VWC2: variants seen among roughly 807,000 people sequenced by gnomAD.
The protein encoded by VWC2 is von Willebrand factor C domain containing 2.
VWC2 carries 14 observed loss-of-function variants against 29.8 expected under a neutral mutation model. The ratio of observed to expected loss-of-function variants is 0.47; its 90% CI spans 0.31 to 0.74. The LOEUF (loss-of-function observed/expected upper bound fraction) is 0.74, where lower values mean the gene tolerates loss of function less well. Among genes scored for constraint, VWC2 ranks in the 30% least tolerant of loss-of-function variants. The pLI is 0.05. For synonymous variants in VWC2, 213 were observed against 199.0 expected (o/e 1.07, Z -0.59); for missense variants, 457 against 459.8 (o/e 0.99, Z 0.05).
intron 3 of VWC2, among the ~76,000 whole-genome samples, chr7:49,803,676 G>A (rs751882991): frequency 1.3e-5 from 2 of 152,256 alleles, no homozygotes; most frequent in Non-Finnish European, 2.9e-5. Context: ...GCTGTCGGCC[G>A]TTCATGTGGG....
At chr7:49,882,917 C>T (rs929421605) in intron 3 of VWC2, among the ~76,000 whole-genome samples, 11 of 151,898 alleles carry the variant, frequency 7.2e-5, no homozygotes, top group African/African-American at 2.7e-4. Context: ...ATCTTAAACT[C>T]TTCTGGAGAA....
intron 3 of VWC2, among the ~76,000 whole-genome samples, chr7:49,897,146 C>T (rs1266189787): frequency 6.6e-6 from 1 of 151,998 alleles, no homozygotes; most frequent in Non-Finnish European, 1.5e-5. Flanking sequence ...CCACCCGCCT[C>T]GGCCTCCCAA....
rs1369448680 is a variant in VWC2 at position 49,919,549 on chromosome 7, G to A, written c.*7364G>A. ...TCTGCAGTATACCCTGGTTTATTGT[G>A]AGGATTAAATAAAAAATCCTCACAA... On this transcript the variant is annotated 3_prime_UTR_variant, in exon 4 of 4. Transcript: ENST00000340652. The A allele has an allele frequency of 2.6e-5, 4 of 151,998 alleles. No homozygotes were observed. Among genetic ancestry groups the A allele is most frequent in the African/African-American group, 9.7e-5 (4 of 41,372 alleles). The allele number at this position is 151,998 out of a possible 1,614,324, so 9.4% of individuals were successfully genotyped here. A position where few individuals can be genotyped will look rare whatever the true frequency, so the allele number is the denominator to read the frequency against.
chr7:49,870,604 C>T (rs1371108336), intron 3 of VWC2, among the ~76,000 whole-genome samples: 1 of 152,150 alleles, frequency 6.6e-6, no homozygotes, highest in East Asian at 1.9e-4. Context: ...AGGATTTTCA[C>T]ACCTGCACAG....
At chr7:49,806,621 C>T (rs485900) in intron 3 of VWC2, among the ~76,000 whole-genome samples, 3,379 of 152,172 alleles carry the variant, frequency 0.022, 119 homozygotes, top group African/African-American at 0.077. Flanking sequence ...GAAGCACTGA[C>T]TGAGAATTAG....
intron 3 of VWC2, among the ~76,000 whole-genome samples, chr7:49,834,420 C>T (rs1400142129): frequency 2.0e-5 from 3 of 152,166 alleles, no homozygotes; most frequent in African/African-American, 7.2e-5. Context: ...AGATACAAAA[C>T]TATCAAAGTA....
rs1170340447 is a variant in VWC2 at position 49,913,829 on chromosome 7, C to G, written c.*1644C>G. The G allele has an allele frequency of 6.6e-6, 1 of 152,042 alleles. No homozygotes were observed. The highest frequency in any genetic ancestry group is 1.5e-5 in the Non-Finnish European group (1 of 68,020). 9.4% of individuals were successfully genotyped at this position (152,042 alleles called of 1,614,324 possible). A position where few individuals can be genotyped will look rare whatever the true frequency, so the allele number is the denominator to read the frequency against. ...TAACATTCAAGAAAAATGGATACAT[C>G]TATCATAATTGAAAAATTAAACTAT... On this transcript the variant is annotated 3_prime_UTR_variant, in exon 4 of 4. Transcript: ENST00000340652.
chr7:49,864,667 G>T (rs1790805605), intron 3 of VWC2, among the ~76,000 whole-genome samples: 3 of 152,184 alleles, frequency 2.0e-5, no homozygotes. Flanking sequence ...GCAAAACAGA[G>T]GCCTGCATCT....
chr7:49,827,748 T>A (rs1014930696), intron 3 of VWC2, among the ~76,000 whole-genome samples: 5 of 152,154 alleles, frequency 3.3e-5, no homozygotes, highest in Admixed American at 6.5e-5. Flanking sequence ...ACCTCTTTTT[T>A]AGGGGACTTC....
At chr7:49,777,986 T>C (rs544941743) in intron 2 of VWC2, among the ~76,000 whole-genome samples, 1 of 151,758 alleles carries the variant, frequency 6.6e-6, no homozygotes, top group South Asian at 2.1e-4. Context: ...TATAGTTTCA[T>C]AGTAATTTTC....
chr7:49,825,783 T>C (rs1789377004), intron 3 of VWC2, among the ~76,000 whole-genome samples: 1 of 152,230 alleles, frequency 6.6e-6, no homozygotes, highest in Non-Finnish European at 1.5e-5. Context: ...TGTTTCTTAA[T>C]GCACTTTTGT....
chr7:49,816,457 T>TG (rs1385508232), intron 3 of VWC2, among the ~76,000 whole-genome samples: 1 of 151,982 alleles, frequency 6.6e-6, no homozygotes, highest in Non-Finnish European at 1.5e-5. Flanking sequence ...CCATACAAGG[T>TG]AGGGGGAGAT....
In VWC2 at chr7:49,833,018, C is replaced by T. The variant is rs548080311; in HGVS notation, c.826+30178C>T. Among the ~76,000 whole-genome samples, 7 of 152,180 alleles carry T rather than the reference C, an allele frequency of 4.6e-5. No individual in the cohort carries two copies. In the South Asian group the frequency reaches 8.3e-4, roughly 18 times the overall value. On this transcript the variant is annotated intron_variant, in intron 3 of 3. Transcript: ENST00000340652. Reference sequence around the variant, plus strand: ...ATCCTGAGTTGGAAATGTGAAAAGTCCAGAAGTCAAAATGACCAGAGTAAG... The same window carrying T: ...ATCCTGAGTTGGAAATGTGAAAAGTTCAGAAGTCAAAATGACCAGAGTAAG...
intron 3 of VWC2, among the ~76,000 whole-genome samples, chr7:49,871,150 T>A (rs117352687): frequency 0.012 from 1,751 of 152,258 alleles, 15 homozygotes; most frequent in Non-Finnish European, 0.018. Context: ...GAATAAGATA[T>A]CAATTTATAG....
chr7:49,780,368 G>A (rs1788147521), intron 2 of VWC2, among the ~76,000 whole-genome samples: 1 of 152,290 alleles, frequency 6.6e-6, no homozygotes, highest in East Asian at 1.9e-4. Flanking sequence ...TGTAAATTTT[G>A]CCTCAGTGGC....
intron 3 of VWC2, among the ~76,000 whole-genome samples, chr7:49,847,939 T>C (rs1226003840): frequency 6.6e-6 from 1 of 152,168 alleles, no homozygotes; most frequent in African/African-American, 2.4e-5. Context: ...GGGTTAGCAC[T>C]GGGAGGGGCA....
At chr7:49,907,635 T>C (rs1050761623) in intron 3 of VWC2, among the ~76,000 whole-genome samples, 30 of 152,330 alleles carry the variant, frequency 2.0e-4, no homozygotes, top group African/African-American at 7.2e-4. Context: ...GGGACACAGC[T>C]TGGCTTTATA....
At chr7:49,895,977 T>C (rs1263261227) in intron 3 of VWC2, among the ~76,000 whole-genome samples, 1 of 152,198 alleles carries the variant, frequency 6.6e-6, no homozygotes, top group Non-Finnish European at 1.5e-5. Flanking sequence ...TCATGAGTGA[T>C]ATATTTTCCC....
At chr7:49,851,808 C>T (rs1166999529) in intron 3 of VWC2, among the ~76,000 whole-genome samples, 1 of 151,952 alleles carries the variant, frequency 6.6e-6, no homozygotes, top group Non-Finnish European at 1.5e-5. Context: ...CAGAGCCGAG[C>T]TTGCGCCATT....
Sources: allele counts gnomAD v4.1 joint callset (sites outside exome capture counted in the v4.1 genomes callset), GRCh38; gene constraint gnomAD v4.1.1; transcripts MANE v1.5; gene names NCBI Gene and HGNC (gene_info 2026-07-23, HGNC 2026-07-21).